Variants in KIF14 observed in about 807,000 individuals in gnomAD.
The protein encoded by KIF14 is kinesin family member 14, also known as kinesin-like protein KIF14.
In KIF14, 98 loss-of-function variants were observed where a neutral mutation model predicts 176.2. That is an observed-to-expected ratio of 0.56 (90% CI 0.47 to 0.66). KIF14 has a LOEUF of 0.66. KIF14 is among the 30% of genes least tolerant of loss of function. The pLI is 0.00. For missense variants in KIF14, 1,751 were observed against 1,920.4 expected (o/e 0.91, Z 1.65); for synonymous variants, 566 against 632.2 (o/e 0.90, Z 1.57).
chr1:200,589,313 G>A lies in KIF14; in HGVS notation c.3018C>T (p.His1006=). 6.2e-7 allele frequency: 1 copy of A among 1,610,556 alleles called. No homozygotes were observed. Among genetic ancestry groups the A allele is most frequent in the African/African-American group, 1.3e-5 (1 of 74,874 alleles). Residue 1006 remains histidine, a synonymous_variant, in exon 18 of 30, where the codon CAC becomes CAT. Transcript: ENST00000367350. ...MQEINNQKAN[H]KIEELEKAKQ... is the part of the protein sequence containing the mutation. The stretch of plus-strand genomic sequence containing the variant: ...TTGCCTTTTCTAATTCCTCAATTTT[G>A]TGATTAGCCTTCTGGTTATTTATTT...
rs1658435806 is a variant in KIF14, at chr1:200,581,254, A to C, written c.3282T>G (p.Ile1094Met). 6 of 1,605,336 alleles carry C rather than the reference A, an allele frequency of 3.7e-6. No homozygotes were observed. Among genetic ancestry groups the C allele is most frequent in the Non-Finnish European group, 5.1e-6 (6 of 1,176,634 alleles). Residue 1094 changes from isoleucine (I) to methionine (M), a missense_variant, in exon 20 of 30, where the codon ATT (isoleucine) becomes ATG (methionine). By Grantham distance (10) the Ile-to-Met change is conservative. Coordinates refer to ENST00000367350, the MANE Select transcript of KIF14 (RefSeq NM_014875.3). ...TWSSMKLSMM[I>M]QEANAISSKL... Reference sequence around the variant, plus strand: ...TGCTGCTGATAGCATTGGCTTCCTGAATCATCATTGAGAGTTTCATAGAGC... The same window carrying C: ...TGCTGCTGATAGCATTGGCTTCCTGCATCATCATTGAGAGTTTCATAGAGC...
rs756634481 is a variant in KIF14 at position 200,615,342 on chromosome 1, C to A, written c.1367+13G>T. The A allele has an allele frequency of 3.1e-6, 5 of 1,603,264 alleles. No homozygotes were observed. The African/African-American group carries it at 6.7e-5, about 22-fold the overall frequency. On this transcript the variant is annotated intron_variant, in intron 3 of 29. Transcript: ENST00000367350. Reference sequence around the variant, plus strand: ...AAACACTTCTGGATAATTGCATTTCCAATACAACTTACGTATATGATTTTC... The same window carrying A: ...AAACACTTCTGGATAATTGCATTTCAAATACAACTTACGTATATGATTTTC...
intron 18 of KIF14, 114 bp from the exon 19 acceptor site, chr1:200,586,341 A>C: frequency 1.2e-6 from 1 of 826,406 alleles, no homozygotes; most frequent in Non-Finnish European, 1.8e-6. Context: ...TAACCATTTT[A>C]CAATTTATAT....
chr1:200,572,544 C>G (rs555631273), intron 22 of KIF14, among the ~76,000 whole-genome samples: 1 of 152,054 alleles, frequency 6.6e-6, no homozygotes, highest in Non-Finnish European at 1.5e-5. Context: ...GGGGTTTCAC[C>G]GTGTTAGCCA....
intron 1 of KIF14, among the ~76,000 whole-genome samples, 182 bp downstream of exon 1, chr1:200,620,229 G>T (rs1350134921): frequency 6.6e-6 from 1 of 152,180 alleles, no homozygotes; most frequent in East Asian, 1.9e-4. Flanking sequence ...AAATTCTCTT[G>T]CAACTAAAAA....
Position 200,600,005 on chromosome 1 carries a change from A to T in KIF14, c.2364+45T>A, listed in dbSNP as rs776527214. The T allele has an allele frequency of 5.3e-6, 6 of 1,138,624 alleles. No homozygotes were observed. In the African/African-American group the frequency reaches 9.4e-5, roughly 18 times the overall value. The allele number at this position is 1,138,624 out of a possible 1,614,324, so 70.5% of individuals were successfully genotyped here. The stretch of plus-strand genomic sequence containing the variant: ...ATATTGGCAATATTTATTTCTTGGC[A>T]TATTTCTTTTATTTTCTAATCAGTT... On this transcript the variant is annotated intron_variant, in intron 13 of 29. Transcript: ENST00000367350.
chr1:200,571,567 C>G (rs1419552932), intron 22 of KIF14, among the ~76,000 whole-genome samples: 3 of 152,100 alleles, frequency 2.0e-5, no homozygotes, highest in Non-Finnish European at 4.4e-5. Context: ...AGTATTTTTC[C>G]TAACAGAACT....
intron 22 of KIF14, among the ~76,000 whole-genome samples, chr1:200,572,874 GGACCA>G: frequency 6.6e-6 from 1 of 152,186 alleles, no homozygotes; most frequent in Non-Finnish European, 1.5e-5. Flanking sequence ...TTTCACCTAA[GGACCA>G]TATTTAGCTC....
At position 200,576,138 on chromosome 1, in the gene KIF14, T is replaced by C. The variant is rs866313388; in HGVS notation, c.3466-447A>G. ...TACATAGAACTTGATTCAGAGATAG[T>C]ACAATTATACAGAAAAATAAGTTAA... On this transcript the variant is annotated intron_variant, in intron 21 of 29. Transcript: ENST00000367350. 4.6e-5 allele frequency among the ~76,000 whole-genome samples: 7 copies of C among 152,166 alleles called. No homozygotes were observed. In the South Asian group the frequency reaches 6.2e-4, roughly 13 times the overall value.
intron 19 of KIF14, 101 bp downstream of exon 19, chr1:200,586,000 T>G (rs1265418794): frequency 1.1e-5 from 9 of 790,410 alleles, no homozygotes; most frequent in Non-Finnish European, 1.6e-5. Context: ...AATAAAGTAT[T>G]TTGAATATGT....
chr1:200,604,947 T>C (rs1020925950), intron 8 of KIF14, among the ~76,000 whole-genome samples: 10 of 152,096 alleles, frequency 6.6e-5, no homozygotes, highest in African/African-American at 2.4e-4. Flanking sequence ...ATAACAAGCA[T>C]CTATTATTGA....
Position 200,553,827 on chromosome 1 carries a change from T to C in KIF14, c.4568-60A>G, listed in dbSNP as rs180732507. On this transcript the variant is annotated intron_variant, in intron 29 of 29. Coordinates refer to ENST00000367350, the MANE Select transcript of KIF14 (RefSeq NM_014875.3). ...CTTTTCAGTTTTCATCAGGTATTTA[T>C]GACTTTTATAGACTCTAGATATCTT... The C allele has an allele frequency of 1.2e-3, 1,725 of 1,476,354 alleles. 8 individuals carry two copies. The highest frequency in any genetic ancestry group is 1.8e-3 in the East Asian group (80 of 43,866). 91.5% of individuals were successfully genotyped at this position (1,476,354 alleles called of 1,614,324 possible).
At chr1:200,558,006 T>C (rs1034135490) in intron 27 of KIF14, among the ~76,000 whole-genome samples, 1 of 152,200 alleles carries the variant, frequency 6.6e-6, no homozygotes, top group Admixed American at 6.5e-5. Context: ...CCCAGGCTGA[T>C]ATGCAGTGGT....
Position 200,569,899 on chromosome 1 carries a change from A to G in KIF14, c.3661+12T>C, listed in dbSNP as rs753211898. The G allele has an allele frequency of 1.3e-6, 2 of 1,491,302 alleles. No homozygotes were observed. The highest frequency in any genetic ancestry group is 1.2e-5 in the South Asian group (1 of 84,914). The allele number at this position is 1,491,302 out of a possible 1,614,324, so 92.4% of individuals were successfully genotyped here. The stretch of plus-strand genomic sequence containing the variant: ...TTTTCTCGCCATAGAGAAAATGTGA[A>G]GAAAAAAATACCTGATGAATGTGAA... On this transcript the variant is annotated intron_variant, in intron 23 of 29. Coordinates refer to ENST00000367350, the MANE Select transcript of KIF14 (RefSeq NM_014875.3).
chr1:200,614,134 G>A (rs1190708771), intron 4 of KIF14, among the ~76,000 whole-genome samples, 184 bp downstream of exon 4: 1 of 152,186 alleles, frequency 6.6e-6, no homozygotes, highest in Non-Finnish European at 1.5e-5. Flanking sequence ...TGCCCACTAG[G>A]TGAAACTGAT....
intron 14 of KIF14, among the ~76,000 whole-genome samples, chr1:200,596,025 T>C (rs552916075): frequency 1.2e-4 from 18 of 149,528 alleles, no homozygotes; most frequent in African/African-American, 4.2e-4. Flanking sequence ...GAGGTCAAGG[T>C]GGGCGGATCA....
Position 200,553,233 on chromosome 1 carries a change from G to T in KIF14, c.*155C>A. The T allele has an allele frequency of 1.2e-6, 1 of 807,778 alleles. No individual in the cohort carries two copies. Among genetic ancestry groups the T allele is most frequent in the Non-Finnish European group, 1.9e-6 (1 of 537,842 alleles). 50.0% of individuals were successfully genotyped at this position (807,778 alleles called of 1,614,324 possible). A position where few individuals can be genotyped will look rare whatever the true frequency, so the allele number is the denominator to read the frequency against. ...TTACAGGCGTGAGCCACTGTGTCTG[G>T]CCTTTGATAAATAGATATTTTAAAG... On this transcript the variant is annotated 3_prime_UTR_variant, in exon 30 of 30. Coordinates refer to ENST00000367350, the MANE Select transcript of KIF14 (RefSeq NM_014875.3).
At position 200,586,170 on chromosome 1, in the gene KIF14, T is replaced by G; in HGVS notation, c.3172A>C (p.Lys1058Gln). ...ARILEALETE[K>Q]QKIAKEVQIL... The stretch of plus-strand genomic sequence containing the variant: ...TGTACTTCTTTAGCAATTTTTTGCT[T>G]TTCAGTTTCTAAAGCTTCCAGAATT... The change falls in exon 19 of 30, where the codon AAG becomes CAG. Residue 1058 changes from lysine (K) to glutamine (Q), a missense_variant. By Grantham distance (53) the Lys-to-Gln change is moderately conservative. Coordinates refer to ENST00000367350, the MANE Select transcript of KIF14 (RefSeq NM_014875.3). The G allele has an allele frequency of 6.2e-7, 1 of 1,603,064 alleles. No individual in the cohort carries two copies. The highest frequency in any genetic ancestry group is 8.5e-7 in the Non-Finnish European group (1 of 1,172,830).
At chr1:200,620,134 A>T (rs1317043531) in intron 1 of KIF14, among the ~76,000 whole-genome samples, 1 of 152,258 alleles carries the variant, frequency 6.6e-6, no homozygotes, top group Non-Finnish European at 1.5e-5. Flanking sequence ...TCGTCAGCTT[A>T]TAAGCATCTC....
Sources: allele counts gnomAD v4.1 joint callset (sites outside exome capture counted in the v4.1 genomes callset), GRCh38; gene constraint gnomAD v4.1.1; transcripts MANE v1.5; gene names NCBI Gene and HGNC (gene_info 2026-07-23, HGNC 2026-07-21).